DYRK1A: variants seen among roughly 807,000 people sequenced by gnomAD.
DYRK1A encodes the protein dual specificity tyrosine-phosphorylation-regulated kinase 1A.
A neutral mutation model predicts 79.7 loss-of-function variants in DYRK1A; 9 were observed. The observed-to-expected ratio is 0.11, with a 90% CI of 0.07 to 0.20. The LOEUF (loss-of-function observed/expected upper bound fraction) is 0.20, where lower values mean the gene tolerates loss of function less well. DYRK1A is among the 10% of genes least tolerant of loss of function. The probability of loss-of-function intolerance (pLI) is 1.00; values close to 1 mark genes in which losing one functional copy is unlikely to be tolerated. For missense variants in DYRK1A, 622 were observed against 956.0 expected (o/e 0.65, Z 4.61); for synonymous variants, 349 against 329.7 (o/e 1.06, Z -0.63).
chr21:37,422,366 A>G (rs2050499473), intron 2 of DYRK1A, among the ~76,000 whole-genome samples: 1 of 152,206 alleles, frequency 6.6e-6, no homozygotes, highest in African/African-American at 2.4e-5. Flanking sequence ...ATTACTATGC[A>G]CACATTTATT....
At chr21:37,383,468 A>G (rs1053580403) in intron 1 of DYRK1A, among the ~76,000 whole-genome samples, 1 of 152,248 alleles carries the variant, frequency 6.6e-6, no homozygotes, top group African/African-American at 2.4e-5. Flanking sequence ...TTTGTTTGCA[A>G]CTAAGAACCT....
intron 1 of DYRK1A, among the ~76,000 whole-genome samples, chr21:37,394,990 A>G (rs1339973064): frequency 2.0e-5 from 3 of 152,322 alleles, no homozygotes; most frequent in South Asian, 4.1e-4. Context: ...GTACAGGTGG[A>G]AGAAGAGAGG....
At chr21:37,494,070 T>C (rs1006174504) in intron 8 of DYRK1A, among the ~76,000 whole-genome samples, 1 of 151,876 alleles carries the variant, frequency 6.6e-6, no homozygotes, top group Non-Finnish European at 1.5e-5. Flanking sequence ...ATTTGGATTT[T>C]TACTAGAGTT....
At chr21:37,501,759 G>C (rs1195060314) in intron 9 of DYRK1A, 1 of 152,140 alleles carries the variant, frequency 6.6e-6, no homozygotes, top group Non-Finnish European at 1.5e-5. Context: ...TATCAATGTA[G>C]ATCAAATTGT....
At chr21:37,426,148 G>A (rs2050611304) in intron 2 of DYRK1A, among the ~76,000 whole-genome samples, 1 of 152,130 alleles carries the variant, frequency 6.6e-6, no homozygotes, top group South Asian at 2.1e-4. Context: ...AGGAAAAAAT[G>A]TCAGATGAAA....
At chr21:37,499,987 C>T (rs1322254883) in intron 9 of DYRK1A, among the ~76,000 whole-genome samples, 1 of 152,180 alleles carries the variant, frequency 6.6e-6, no homozygotes, top group East Asian at 1.9e-4. Context: ...TATGTGGGTT[C>T]CGCATGGCCT....
Position 37,486,592 on chromosome 21 carries a change from C to T in DYRK1A, c.615C>T (p.Asp205=), listed in dbSNP as rs1369091008. ...VRLLELMNKH[D]TEMKYYIVHL... The stretch of plus-strand genomic sequence containing the variant: ...TTCTTGAGCTCATGAACAAACATGA[C>T]ACTGAAATGAAATACTACATAGGTA... Residue 205 remains aspartate, a synonymous_variant, in exon 6 of 12, where the codon GAC becomes GAT. Transcript: ENST00000647188. 4 of 1,590,370 alleles carry T rather than the reference C, an allele frequency of 2.5e-6. No individual in the cohort carries two copies. Among genetic ancestry groups the T allele is most frequent in the Non-Finnish European group, 3.4e-6 (4 of 1,169,848 alleles).
intron 2 of DYRK1A, among the ~76,000 whole-genome samples, chr21:37,420,768 C>A (rs984552211): frequency 2.6e-5 from 4 of 151,958 alleles, no homozygotes; most frequent in African/African-American, 9.7e-5. Context: ...AGGATATCAT[C>A]AAAAAGACTG....
rs1451677113 is a variant in DYRK1A at position 37,514,694 on chromosome 21, G to A, written c.*2163G>A. On this transcript the variant is annotated 3_prime_UTR_variant, in exon 12 of 12. Transcript: ENST00000647188. ...TATTTTGTAATTAACTGTCAAGCCT[G>A]TGGATGATTTTTTTGAACTTGGTAG... 6.6e-6 allele frequency: 1 copy of A among 152,624 alleles called. No individual in the cohort carries two copies. The highest frequency in any genetic ancestry group is 2.4e-5 in the African/African-American group (1 of 41,452). 9.5% of individuals were successfully genotyped at this position (152,624 alleles called of 1,614,324 possible). A position where few individuals can be genotyped will look rare whatever the true frequency, so the allele number is the denominator to read the frequency against.
Position 37,479,696 on chromosome 21 carries a change from C to T in DYRK1A, c.301-942C>T, listed in dbSNP as rs559917998. On this transcript the variant is annotated intron_variant, in intron 4 of 11. Transcript: ENST00000647188. ...AGCCTGGAGTGCAGTGGCGCGATCTCGGCTCACCGCAACCTCCGCCTCCCA... is the reference window on the plus strand; with the variant it reads ...AGCCTGGAGTGCAGTGGCGCGATCTTGGCTCACCGCAACCTCCGCCTCCCA... Among the ~76,000 whole-genome samples the T allele has an allele frequency of 1.5e-3, 205 of 137,762 alleles. 1 individual carries two copies. Among genetic ancestry groups the T allele is most frequent in the African/African-American group, 4.0e-3 (151 of 37,694 alleles). The allele number at this position is 137,762 out of a possible 152,430, so 90.4% of individuals were successfully genotyped here.
At position 37,478,225 on chromosome 21, in the gene DYRK1A, C is replaced by G; in HGVS notation, c.225C>G (p.Thr75=). 2 of 1,614,140 alleles carry G rather than the reference C, an allele frequency of 1.2e-6. No individual in the cohort carries two copies. The highest frequency in any genetic ancestry group is 1.7e-6 in the Non-Finnish European group (2 of 1,179,990). ...PLTNQRRMPQ[T]FRDPATAPLR... is the part of the protein sequence containing the mutation. ...TGTTACAGAGGCGGATGCCCCAAACCTTCCGTGACCCAGCAACTGCTCCCC... is the reference window on the plus strand; with the variant it reads ...TGTTACAGAGGCGGATGCCCCAAACGTTCCGTGACCCAGCAACTGCTCCCC... The change falls in exon 4 of 12, where the codon ACC becomes ACG. Residue 75 remains threonine (T), a synonymous_variant. Coordinates refer to ENST00000647188, the MANE Select transcript of DYRK1A (RefSeq NM_001347721.2).
intron 1 of DYRK1A, among the ~76,000 whole-genome samples, chr21:37,394,438 G>A (rs2049924696): frequency 6.6e-6 from 1 of 152,112 alleles, no homozygotes; most frequent in Non-Finnish European, 1.5e-5. Flanking sequence ...AGATTTGGGA[G>A]TGAAGAAAGT....
intron 2 of DYRK1A, among the ~76,000 whole-genome samples, chr21:37,469,779 C>T (rs556822172): frequency 1.2e-4 from 18 of 152,258 alleles, no homozygotes; most frequent in Non-Finnish European, 2.5e-4. Context: ...AATCCAATAA[C>T]CTCCTACCGG....
At chr21:37,383,067 C>T (rs893160912) in intron 1 of DYRK1A, among the ~76,000 whole-genome samples, 1 of 152,180 alleles carries the variant, frequency 6.6e-6, no homozygotes, top group African/African-American at 2.4e-5. Context: ...TGTTCACTTT[C>T]CCCACCGCTT....
chr21:37,452,913 T>C, intron 2 of DYRK1A, among the ~76,000 whole-genome samples: 1 of 152,152 alleles, frequency 6.6e-6, no homozygotes, highest in East Asian at 1.9e-4. Context: ...GTAAGCCACT[T>C]ATGTAATTTA....
intron 1 of DYRK1A, among the ~76,000 whole-genome samples, chr21:37,389,654 G>A (rs1302952569): frequency 6.6e-6 from 1 of 151,836 alleles, no homozygotes; most frequent in Non-Finnish European, 1.5e-5. Context: ...CCTTGGGCAT[G>A]TGGCTTGTAT....
Position 37,486,585 on chromosome 21 carries a change from A to G in DYRK1A, c.608A>G (p.Lys203Arg). 1.9e-6 allele frequency: 3 copies of G among 1,593,068 alleles called. No individual in the cohort carries two copies. Among genetic ancestry groups the G allele is most frequent in the Non-Finnish European group, 8.5e-7 (1 of 1,171,066 alleles). Residue 203 changes from lysine to arginine, a missense_variant, in exon 6 of 12, where the codon AAA becomes AGA. By Grantham distance (26) the Lys-to-Arg change is conservative. Transcript: ENST00000647188. The stretch of plus-strand genomic sequence containing the variant: ...GTGCGACTTCTTGAGCTCATGAACA[A>G]ACATGACACTGAAATGAAATACTAC... Reference protein sequence around the residue: ...IEVRLLELMNKHDTEMKYYIV... With the variant: ...IEVRLLELMNRHDTEMKYYIV...
At chr21:37,488,400 G>A (rs2052952364) in intron 6 of DYRK1A, 1 of 754,796 alleles carries the variant, frequency 1.3e-6, no homozygotes, top group African/African-American at 1.9e-5. Context: ...GTTTTAAAGT[G>A]ATTGATGAGT....
chr21:37,448,752 A>G (rs2148495806), intron 2 of DYRK1A, among the ~76,000 whole-genome samples: 1 of 152,286 alleles, frequency 6.6e-6, no homozygotes, highest in African/African-American at 2.4e-5. Flanking sequence ...GCTGGAGTGC[A>G]GTGGCACAAT....
Sources: allele counts gnomAD v4.1 joint callset (sites outside exome capture counted in the v4.1 genomes callset), GRCh38; gene constraint gnomAD v4.1.1; transcripts MANE v1.5; gene names NCBI Gene and HGNC (gene_info 2026-07-23, HGNC 2026-07-21).